TTL: variants seen among roughly 807,000 people sequenced by gnomAD.
TTL encodes tubulin tyrosine ligase, also known as tubulin--tyrosine ligase.
In TTL, 10 loss-of-function variants were observed where a neutral mutation model predicts 41.1. The ratio of observed to expected loss-of-function variants is 0.24; its 90% confidence interval spans 0.15 to 0.41. The LOEUF is 0.41. Among genes scored for constraint, TTL ranks in the 10% least tolerant of loss-of-function variants. The probability of loss-of-function intolerance (pLI) is 1.00; values close to 1 mark genes in which losing one functional copy is unlikely to be tolerated. For synonymous variants in TTL, 175 were observed against 175.5 expected, an observed-to-expected ratio of 1.00 and a Z score of 0.02; for missense variants, 367 against 460.4, an observed-to-expected ratio of 0.80 and a Z score of 1.86.
chr2:112,495,442 T>C (rs1003032070), intron 3 of TTL, among the ~76,000 whole-genome samples: 1 of 152,248 alleles, frequency 6.6e-6, no homozygotes, highest in Non-Finnish European at 1.5e-5. Context: ...AATGAATGCA[T>C]GTAAGGGGTA....
At position 112,528,704 on chromosome 2, in the gene TTL, A is replaced by G; in HGVS notation, c.1043A>G (p.Gln348Arg). ...AGGAAGCTCTATGCAGAACTGTGCC[A>G]AGGCATCGTGGACATAGCCATTTCC... ...CAQKLYAELC[Q>R]GIVDIAISSV... Residue 348 changes from glutamine (Q) to arginine (R), a missense_variant, in exon 7 of 7, where the codon CAA becomes CGA. Coordinates refer to ENST00000233336, the MANE Select transcript of TTL (RefSeq NM_153712.5). 35 of 1,614,156 alleles carry G rather than the reference A, an allele frequency of 2.2e-5. No homozygotes were observed. The highest frequency in any genetic ancestry group is 3.0e-5 in the Non-Finnish European group (35 of 1,180,014).
Position 112,531,237 on chromosome 2 carries a change from T to C in TTL, c.*2442T>C, listed in dbSNP as rs1425282815. On this transcript the variant is annotated 3_prime_UTR_variant, in exon 7 of 7. Coordinates refer to ENST00000233336, the MANE Select transcript of TTL (RefSeq NM_153712.5). ...CTTGACACAGAAGGTTATGCCTGGC[T>C]CCCAGTCAGGCTTCATACTTTTGGT... The C allele has an allele frequency of 4.5e-6, 1 of 224,534 alleles. No individual in the cohort carries two copies. The highest frequency in any genetic ancestry group is 2.2e-5 in the African/African-American group (1 of 44,884). 13.9% of individuals were successfully genotyped at this position (224,534 alleles called of 1,614,324 possible). A position where few individuals can be genotyped will look rare whatever the true frequency, so the allele number is the denominator to read the frequency against.
chr2:112,490,533 A>G (rs1681352871), intron 2 of TTL, among the ~76,000 whole-genome samples: 1 of 152,006 alleles, frequency 6.6e-6, no homozygotes, highest in South Asian at 2.1e-4. Context: ...ATGAAGTAGT[A>G]AAGGAAACAT....
chr2:112,525,306 A>G (rs1415424019), intron 6 of TTL, among the ~76,000 whole-genome samples: 1 of 152,096 alleles, frequency 6.6e-6, no homozygotes, highest in Non-Finnish European at 1.5e-5. Context: ...ACTTTAAAGT[A>G]GTTTTTTCCA....
chr2:112,489,107 T>A (rs1681315905), intron 2 of TTL, among the ~76,000 whole-genome samples: 1 of 152,104 alleles, frequency 6.6e-6, no homozygotes, highest in African/African-American at 2.4e-5. Context: ...TAAATTAATT[T>A]AAAAAACCCA....
intron 5 of TTL, among the ~76,000 whole-genome samples, chr2:112,507,185 TTG>T (rs2104461839): frequency 4.0e-5 from 1 of 24,824 alleles, no homozygotes; most frequent in East Asian, 1.3e-3. Context: ...GAGAGATAGT[TTG>T]TTATAATTTC....
chr2:112,500,957 G>A (rs1377734143), intron 3 of TTL, among the ~76,000 whole-genome samples: 2 of 148,864 alleles, frequency 1.3e-5, no homozygotes, highest in Non-Finnish European at 3.0e-5. Context: ...TAAAACTGAC[G>A]TTTCATGGTT....
At chr2:112,516,078 G>C (rs986367196) in intron 5 of TTL, among the ~76,000 whole-genome samples, 2 of 152,038 alleles carry the variant, frequency 1.3e-5, no homozygotes, top group African/African-American at 4.8e-5. Context: ...TATGTAAATG[G>C]AATTATACCA....
rs1682484318 is a variant in TTL at position 112,530,647 on chromosome 2, T to A, written c.*1852T>A. The A allele has an allele frequency of 4.5e-6, 1 of 222,654 alleles. No individual in the cohort carries two copies. The highest frequency in any genetic ancestry group is 2.2e-5 in the African/African-American group (1 of 44,748). The allele number at this position is 222,654 out of a possible 1,614,324, so 13.8% of individuals were successfully genotyped here. A position where few individuals can be genotyped will look rare whatever the true frequency, so the allele number is the denominator to read the frequency against. On this transcript the variant is annotated 3_prime_UTR_variant, in exon 7 of 7. Transcript: ENST00000233336. ...AAGCATGGGCATTTTTGTATTGCTGTCACATGCTAACAGAGGTTTGTAATT... is the reference window on the plus strand; with the variant it reads ...AAGCATGGGCATTTTTGTATTGCTGACACATGCTAACAGAGGTTTGTAATT...
chr2:112,494,965 G>A, intron 3 of TTL, among the ~76,000 whole-genome samples: 1 of 152,090 alleles, frequency 6.6e-6, no homozygotes, highest in Non-Finnish European at 1.5e-5. Flanking sequence ...ATCTAATCAT[G>A]TTACTTCCTA....
chr2:112,486,606 C>G (rs1324404739), intron 2 of TTL, among the ~76,000 whole-genome samples: 1 of 152,148 alleles, frequency 6.6e-6, no homozygotes, highest in Admixed American at 6.5e-5. Context: ...CATCTCTGAG[C>G]AGTTGGATTA....
Position 112,541,268 on chromosome 2 carries a change from AAAGT to A in TTL, c.*12476_*12479del, listed in dbSNP as rs1327151974. 3.0e-4 allele frequency: 45 copies of A among 152,376 alleles called. No homozygotes were observed. The highest frequency in any genetic ancestry group is 1.1e-3 in the African/African-American group (44 of 41,586). The allele number at this position is 152,376 out of a possible 1,614,324, so 9.4% of individuals were successfully genotyped here. Reference sequence around the variant, plus strand: ...TTTTGCTTCAAAGGACACCAGCAAGAAAGTAAAAACCCACAGAATGGGAGAAAAA... The same window carrying A: ...TTTTGCTTCAAAGGACACCAGCAAGAAAAAACCCACAGAATGGGAGAAAAA... On this transcript the variant is annotated 3_prime_UTR_variant, in exon 7 of 7. Transcript: ENST00000233336.
chr2:112,509,310 A>G (rs1320044058), intron 5 of TTL, among the ~76,000 whole-genome samples: 1 of 150,796 alleles, frequency 6.6e-6, no homozygotes, highest in Non-Finnish European at 1.5e-5. Context: ...CTACAGAGGC[A>G]GGCAGGCCTC....
chr2:112,497,216 G>A (rs575872222), intron 3 of TTL, among the ~76,000 whole-genome samples: 186 of 152,106 alleles, frequency 1.2e-3, no homozygotes, highest in African/African-American at 4.2e-3. Context: ...AAGTCTCACT[G>A]TGTTACCCAG....
In TTL at chr2:112,494,456, T is replaced by C. The variant is rs930080722; in HGVS notation, c.469+81T>C. 2.7e-6 allele frequency: 3 copies of C among 1,094,992 alleles called. No individual in the cohort carries two copies. The African/African-American group carries it at 4.7e-5, about 17-fold the overall frequency. 67.8% of individuals were successfully genotyped at this position (1,094,992 alleles called of 1,614,324 possible). A position where few individuals can be genotyped will look rare whatever the true frequency, so the allele number is the denominator to read the frequency against. ...ATTTAGATGAATGACCCTATTTTAA[T>C]CTGAATCATCGAAGGTTGAGACCGT... On this transcript the variant is annotated intron_variant, in intron 3 of 6. Transcript: ENST00000233336.
At chr2:112,486,748 G>A (rs576155398) in intron 2 of TTL, among the ~76,000 whole-genome samples, 1 of 152,168 alleles carries the variant, frequency 6.6e-6, no homozygotes, top group Non-Finnish European at 1.5e-5. Flanking sequence ...CTAAGCCTCA[G>A]TGCCTCCCTC....
intron 2 of TTL, among the ~76,000 whole-genome samples, chr2:112,493,702 A>G (rs1681452232): frequency 6.6e-6 from 1 of 152,234 alleles, no homozygotes; most frequent in South Asian, 2.1e-4. Context: ...AAGTCTTTAG[A>G]TAATTCAGAT....
chr2:112,516,969 A>G (rs1196551660), intron 5 of TTL, among the ~76,000 whole-genome samples: 2 of 152,066 alleles, frequency 1.3e-5, no homozygotes, highest in Admixed American at 6.6e-5. Flanking sequence ...TCCTTTCCGC[A>G]TTGTTCATTG....
At chr2:112,500,657 T>C (rs1681667649) in intron 3 of TTL, among the ~76,000 whole-genome samples, 1 of 152,308 alleles carries the variant, frequency 6.6e-6, no homozygotes, top group African/African-American at 2.4e-5. Flanking sequence ...CATTGAACTG[T>C]GCACTTTAAA....
Sources: allele counts gnomAD v4.1 joint callset (sites outside exome capture counted in the v4.1 genomes callset), GRCh38; gene constraint gnomAD v4.1.1; transcripts MANE v1.5; gene names NCBI Gene and HGNC (gene_info 2026-07-23, HGNC 2026-07-21).